Variants in CHAF1B observed in about 807,000 individuals in gnomAD.
CHAF1B encodes chromatin assembly factor 1 subunit B.
Under a neutral mutation model 60.7 loss-of-function variants are expected in CHAF1B, and 10 were observed. The ratio of observed to expected loss-of-function variants is 0.16; its 90% CI spans 0.10 to 0.28. The LOEUF is 0.28. Ranked by LOEUF, CHAF1B falls within the 10% of genes least tolerant of loss-of-function variation. CHAF1B has a pLI of 1.00. For synonymous variants in CHAF1B, 261 were observed against 266.1 expected (o/e 0.98, Z 0.19); for missense variants, 558 against 708.4 (o/e 0.79, Z 2.41).
At chr21:36,415,206 T>C in intron 12 of CHAF1B, 89 bp from the exon 13 acceptor site, 1 of 784,138 alleles carries the variant, frequency 1.3e-6, no homozygotes. Context: ...GTATTTCCTT[T>C]GGTAGTTTTG....
At chr21:36,400,520 C>T (rs1036428216) in intron 7 of CHAF1B, among the ~76,000 whole-genome samples, 1 of 151,976 alleles carries the variant, frequency 6.6e-6, no homozygotes, top group Admixed American at 6.6e-5. Flanking sequence ...ATATGGATGC[C>T]TTGGCCCCAA....
At chr21:36,395,299 C>G (rs1035005977) in intron 5 of CHAF1B, among the ~76,000 whole-genome samples, 1 of 152,160 alleles carries the variant, frequency 6.6e-6, no homozygotes, top group Non-Finnish European at 1.5e-5. Flanking sequence ...CCACCCGCCT[C>G]GGCCTCCCAA....
chr21:36,415,748 C>CTT (rs745421124), intron 13 of CHAF1B: 391 of 358,984 alleles, frequency 1.1e-3, no homozygotes, highest in South Asian at 1.7e-3. Flanking sequence ...CCATGACATT[C>CTT]TTTTTTTTTT....
At chr21:36,389,800 T>TGTGTGTGTGTGCGCGCGCGCGCGTGC in intron 3 of CHAF1B, among the ~76,000 whole-genome samples, 1 of 124,746 alleles carries the variant, frequency 8.0e-6, no homozygotes, top group African/African-American at 3.5e-5. Flanking sequence ...TGTGTGTGTG[T>TGTGTGTGTGTGCGCGCGCGCGCGTGC]GCGCGCGCAC....
chr21:36,387,447 C>T, intron 2 of CHAF1B, 151 bp from the exon 3 acceptor site: 2 of 890,344 alleles, frequency 2.2e-6, no homozygotes, highest in Admixed American at 2.4e-5. Context: ...TCTTGAACTC[C>T]TGGCCTCAAG....
chr21:36,401,064 C>T (rs961359507), intron 7 of CHAF1B, among the ~76,000 whole-genome samples: 7 of 151,968 alleles, frequency 4.6e-5, no homozygotes, highest in South Asian at 2.1e-4. Context: ...GTCAGGAGTT[C>T]GAGACTAGCC....
At chr21:36,408,007 G>A (rs1002303733) in intron 8 of CHAF1B, among the ~76,000 whole-genome samples, 7 of 152,040 alleles carry the variant, frequency 4.6e-5, no homozygotes, top group Middle Eastern at 3.4e-3. Context: ...CAGCTATGTA[G>A]AATGTATTAA....
chr21:36,391,685 C>T lies in CHAF1B; in HGVS notation c.377+17C>T, dbSNP rs367999820. On this transcript the variant is annotated intron_variant, in intron 4 of 13. Transcript: ENST00000314103. ...GACTCTGCGGTAACTTGGGAGGGAC[C>T]ATGGCAGTGATCTCTGTTTACGATG... is the stretch of plus-strand genomic sequence containing the variant. The T allele has an allele frequency of 2.4e-4, 358 of 1,462,546 alleles. No homozygotes were observed. The African/African-American group carries it at 4.3e-3, about 18-fold the overall frequency. The allele number at this position is 1,462,546 out of a possible 1,614,324, so 90.6% of individuals were successfully genotyped here.
intron 2 of CHAF1B, among the ~76,000 whole-genome samples, chr21:36,386,564 C>T (rs1455111431): frequency 1.3e-5 from 2 of 152,220 alleles, no homozygotes. Flanking sequence ...CTCCACTGCA[C>T]TCCAGCCTGG....
intron 7 of CHAF1B, among the ~76,000 whole-genome samples, chr21:36,400,124 G>C (rs2086175028): frequency 6.6e-6 from 1 of 151,928 alleles, no homozygotes; most frequent in South Asian, 2.1e-4. Flanking sequence ...TCTTAGCCGT[G>C]AGCGGAGATC....
chr21:36,387,803 G>A, intron 3 of CHAF1B, 73 bp downstream of exon 3: 1 of 1,414,196 alleles, frequency 7.1e-7, no homozygotes, highest in Non-Finnish European at 9.8e-7. Context: ...CAGATAGTGA[G>A]ATTTGAGCTG....
intron 8 of CHAF1B, among the ~76,000 whole-genome samples, chr21:36,405,534 A>ATCC (rs1237379437): frequency 6.6e-6 from 1 of 152,100 alleles, no homozygotes; most frequent in Non-Finnish European, 1.5e-5. Context: ...AGTTCAGGGA[A>ATCC]TCCTCCCACC....
chr21:36,387,519 C>A, intron 2 of CHAF1B, 79 bp from the exon 3 acceptor site: 1 of 1,547,046 alleles, frequency 6.5e-7, no homozygotes, highest in Admixed American at 1.7e-5. Flanking sequence ...CCACACCCAG[C>A]CCATAGTATT....
Position 36,397,398 on chromosome 21 carries a change from G to A in CHAF1B, c.482-17G>A. Reference sequence around the variant, plus strand: ...GGTAATGCTGTTTTGGTGCGTGTGTGTGTGTTTTTTTTGTAGGACAAAAGA... The same window carrying A: ...GGTAATGCTGTTTTGGTGCGTGTGTATGTGTTTTTTTTGTAGGACAAAAGA... On this transcript the variant is annotated splice_polypyrimidine_tract_variant and intron_variant, in intron 5 of 13. Coordinates refer to ENST00000314103, the MANE Select transcript of CHAF1B (RefSeq NM_005441.3). 2.2e-6 allele frequency: 3 copies of A among 1,361,798 alleles called. No individual in the cohort carries two copies. Among genetic ancestry groups the A allele is most frequent in the East Asian group, 2.4e-5 (1 of 42,254 alleles). The allele number at this position is 1,361,798 out of a possible 1,614,324, so 84.4% of individuals were successfully genotyped here. A position where few individuals can be genotyped will look rare whatever the true frequency, so the allele number is the denominator to read the frequency against.
At chr21:36,391,500 A>T in intron 3 of CHAF1B, 51 bp from the exon 4 acceptor site, 2 of 1,062,814 alleles carry the variant, frequency 1.9e-6, no homozygotes, top group Non-Finnish European at 2.9e-6. Context: ...AAATCCTAAT[A>T]TGAAGGAGTG....
chr21:36,413,195 G>T lies in CHAF1B; in HGVS notation c.1373G>T (p.Ser458Ile), dbSNP rs2086291803. ...DPPSITPAVKSPLPGPSEEKT... is the reference protein window; with the variant it reads ...DPPSITPAVKIPLPGPSEEKT... ...CCCTCCATCACTCCTGCTGTCAAAA[G>T]CCCCTTGCCGGGGCCTTCGGAGGAG... Residue 458 changes from serine (S) to isoleucine (I), a missense_variant, in exon 12 of 14, where the codon AGC (serine) becomes ATC (isoleucine). Transcript: ENST00000314103. 1 of 1,614,012 alleles carries T rather than the reference G, an allele frequency of 6.2e-7. No homozygotes were observed. Among genetic ancestry groups the T allele is most frequent in the Non-Finnish European group, 8.5e-7 (1 of 1,180,002 alleles).
chr21:36,399,737 C>G, intron 7 of CHAF1B, 132 bp downstream of exon 7: 1 of 713,460 alleles, frequency 1.4e-6, no homozygotes, highest in Admixed American at 2.4e-5. Flanking sequence ...ATAAGGCTTC[C>G]TTTTGGACAG....
chr21:36,385,525 G>C (rs2086023505), intron 1 of CHAF1B, 74 bp downstream of exon 1: 1 of 151,894 alleles, frequency 6.6e-6, no homozygotes, highest in African/African-American at 2.4e-5. Flanking sequence ...CCCTCGCCGA[G>C]GGCGGGCCCC....
chr21:36,409,367 C>T lies in CHAF1B; in HGVS notation c.828-7C>T, dbSNP rs1223126502. 1.9e-6 allele frequency: 3 copies of T among 1,607,968 alleles called. No individual in the cohort carries two copies. The highest frequency in any genetic ancestry group is 2.2e-5 in the East Asian group (1 of 44,814). On this transcript the variant is annotated splice_polypyrimidine_tract_variant and splice_region_variant and intron_variant, in intron 9 of 13. Transcript: ENST00000314103. ...GCCTTTTCCTAACACTGCAATTAAT[C>T]CATTAGGCCCATCGCTCATCTTCCA...
Sources: gnomAD v4.1 joint callset for allele counts (sites outside exome capture counted in the v4.1 genomes callset) on GRCh38, gnomAD v4.1.1 for gene constraint, MANE v1.5 for transcripts, NCBI Gene and HGNC (gene_info 2026-07-23, HGNC 2026-07-21) for gene names.